TAFA5: variants seen among roughly 807,000 people sequenced by gnomAD.
The protein encoded by TAFA5 is TAFA chemokine like family member 5.
TAFA5 carries 6 observed loss-of-function variants against 15.3 expected under a neutral mutation model. That is an observed-to-expected ratio of 0.39 (90% CI 0.21 to 0.77). TAFA5 has a LOEUF of 0.77. Ranked by LOEUF, TAFA5 falls within the 30% of genes least tolerant of loss-of-function variation. TAFA5 has a pLI of 0.41. For missense variants in TAFA5, 161 were observed against 193.1 expected, an observed-to-expected ratio of 0.83 and a Z score of 0.98; for synonymous variants, 103 against 80.7, an observed-to-expected ratio of 1.28 and a Z score of -1.48.
chr22:48,679,148 CAT>C (rs1191821397), intron 2 of TAFA5, among the ~76,000 whole-genome samples: 1 of 5,770 alleles, frequency 1.7e-4, no homozygotes. Context: ...GCTCCCTGTC[CAT>C]CCCTCTCCCG....
intron 2 of TAFA5, among the ~76,000 whole-genome samples, chr22:48,702,757 G>T (rs904724176): frequency 6.6e-6 from 1 of 152,204 alleles, no homozygotes; most frequent in Non-Finnish European, 1.5e-5. Flanking sequence ...CTCCTCACCC[G>T]AGCCCGGGGA....
intron 2 of TAFA5, among the ~76,000 whole-genome samples, chr22:48,701,469 G>T (rs1928903588): frequency 1.3e-5 from 2 of 152,162 alleles, no homozygotes. Context: ...CTGGGAGTCG[G>T]CGCAACCCTC....
At chr22:48,594,943 CG>C (rs1924710442) in intron 1 of TAFA5, among the ~76,000 whole-genome samples, 1 of 151,646 alleles carries the variant, frequency 6.6e-6, no homozygotes, top group African/African-American at 2.4e-5. Context: ...AGCACACCTT[CG>C]GCTGAGCAGG....
At chr22:48,703,990 G>C (rs1409953176) in intron 2 of TAFA5, among the ~76,000 whole-genome samples, 1 of 152,236 alleles carries the variant, frequency 6.6e-6, no homozygotes, top group African/African-American at 2.4e-5. Flanking sequence ...GGGCAGAACA[G>C]GACAGGCACT....
At chr22:48,568,726 T>C (rs1923486241) in intron 1 of TAFA5, among the ~76,000 whole-genome samples, 1 of 152,222 alleles carries the variant, frequency 6.6e-6, no homozygotes. Context: ...TGGCTGGAGC[T>C]GTGACCAGTG....
chr22:48,605,351 G>A (rs368111621), intron 1 of TAFA5, among the ~76,000 whole-genome samples: 1 of 147,052 alleles, frequency 6.8e-6, no homozygotes, highest in South Asian at 2.2e-4. Context: ...GATGGCGATG[G>A]TGATGATGGT....
At chr22:48,674,063 CCTCACATCTGGACTCCTCTTCGCCCAT>C (rs1927890537) in intron 2 of TAFA5, among the ~76,000 whole-genome samples, 3 of 152,022 alleles carry the variant, frequency 2.0e-5, no homozygotes, top group Non-Finnish European at 4.4e-5. Context: ...CCTCTGCCCG[CCTCACATCTGGACTCCTCTTCGCCCAT>C]CTCACATCTA....
At chr22:48,692,757 C>G (rs1418909777) in intron 2 of TAFA5, among the ~76,000 whole-genome samples, 1 of 152,214 alleles carries the variant, frequency 6.6e-6, no homozygotes, top group Non-Finnish European at 1.5e-5. Context: ...AGCCTCGTGA[C>G]GGTGTGCAGG....
At chr22:48,499,571 C>T (rs1225133262) in intron 1 of TAFA5, among the ~76,000 whole-genome samples, 2 of 152,210 alleles carry the variant, frequency 1.3e-5, no homozygotes, top group Non-Finnish European at 2.9e-5. Context: ...CCTGGCTGAG[C>T]TCAGGCTCAG....
At chr22:48,659,527 G>A (rs529994763) in intron 2 of TAFA5, among the ~76,000 whole-genome samples, 1 of 152,364 alleles carries the variant, frequency 6.6e-6, no homozygotes. Flanking sequence ...GATGTGGGTG[G>A]AGGAGGCTCC....
At chr22:48,718,907 C>A (rs1012448038) in intron 3 of TAFA5, among the ~76,000 whole-genome samples, 3 of 152,194 alleles carry the variant, frequency 2.0e-5, no homozygotes, top group African/African-American at 7.2e-5. Context: ...GGCCCCTGCC[C>A]CCGGCTCACT....
In TAFA5 at chr22:48,550,264, C is replaced by G. The variant is rs1269966394; in HGVS notation, c.112+60560C>G. On this transcript the variant is annotated intron_variant, in intron 1 of 3. Transcript: ENST00000402357. This position sits in a 1 kb window ranked among gnomAD's most constrained non-coding sequence, Gnocchi z 4.1. ...GGCCTGGGCAGATGGCGCATCTGGC[C>G]GGGATAAGGTGTAGGCCTGGGAGAA... Among the ~76,000 whole-genome samples the G allele has an allele frequency of 6.6e-6, 1 of 152,290 alleles. No homozygotes were observed. Among genetic ancestry groups the G allele is most frequent in the East Asian group, 1.9e-4 (1 of 5,156 alleles).
chr22:48,707,769 G>A lies in TAFA5; in HGVS notation c.315G>A (p.Gly105=), dbSNP rs767967611. Residue 105 remains glycine, a synonymous_variant, in exon 3 of 4, where the codon GGG becomes GGA. Transcript: ENST00000402357. Reference sequence around the variant, plus strand: ...GTGACATGCTTCCGTGTCTGGAGGGGGAAGGCTGCGACTTGTTAATCAACC... The same window carrying A: ...GTGACATGCTTCCGTGTCTGGAGGGAGAAGGCTGCGACTTGTTAATCAACC... The part of the protein sequence containing the change: ...QWCDMLPCLE[G]EGCDLLINRS... 1.2e-6 allele frequency: 2 copies of A among 1,613,928 alleles called. No individual in the cohort carries two copies. The highest frequency in any genetic ancestry group is 1.7e-6 in the Non-Finnish European group (2 of 1,179,868).
At chr22:48,523,858 G>A (rs1258724817) in intron 1 of TAFA5, among the ~76,000 whole-genome samples, 1 of 152,190 alleles carries the variant, frequency 6.6e-6, no homozygotes, top group Admixed American at 6.5e-5. Flanking sequence ...GGAGGCTGGC[G>A]AGAAGTGTGC....
intron 1 of TAFA5, among the ~76,000 whole-genome samples, chr22:48,571,377 T>C (rs4823542): frequency 0.33 from 49,007 of 148,686 alleles, 9,032 homozygotes; most frequent in African/African-American, 0.5. Flanking sequence ...TGGGTTCAAG[T>C]GATTCTCCTG....
At chr22:48,529,248 T>G (rs1367840389) in intron 1 of TAFA5, among the ~76,000 whole-genome samples, 8 of 64,252 alleles carry the variant, frequency 1.2e-4, no homozygotes, top group Admixed American at 4.0e-4. Flanking sequence ...AGGCAGGAGA[T>G]GGGGGTGTCA....
At chr22:48,736,406 A>G (rs142218489) in intron 3 of TAFA5, among the ~76,000 whole-genome samples, 1 of 14,794 alleles carries the variant, frequency 6.8e-5, no homozygotes, top group Non-Finnish European at 1.3e-4. Flanking sequence ...GCACTCCTAG[A>G]GTCCATCCCC....
chr22:48,596,116 A>G (rs1156984940), intron 1 of TAFA5, among the ~76,000 whole-genome samples: 1 of 152,256 alleles, frequency 6.6e-6, no homozygotes, highest in Non-Finnish European at 1.5e-5. Flanking sequence ...AAGCTCGGCT[A>G]ATCTGTAGAA....
intron 2 of TAFA5, among the ~76,000 whole-genome samples, chr22:48,659,840 A>G (rs1043548914): frequency 6.6e-6 from 1 of 152,222 alleles, no homozygotes; most frequent in Non-Finnish European, 1.5e-5. Context: ...TGATGAACAT[A>G]CAGTCCCCAT....
Sources: gnomAD v4.1 joint callset for allele counts (sites outside exome capture counted in the v4.1 genomes callset) on GRCh38, gnomAD v4.1.1 for gene constraint, Gnocchi (gnomAD v3.1) non-coding constraint, MANE v1.5 for transcripts, NCBI Gene and HGNC (gene_info 2026-07-23, HGNC 2026-07-21) for gene names.